Variants in PSME4 observed in about 807,000 individuals in gnomAD.
PSME4 encodes proteasome activator subunit 4, also known as proteasome activator complex subunit 4.
Under a neutral mutation model 253.9 loss-of-function variants are expected in PSME4, and 89 were observed. That is an observed-to-expected ratio of 0.35 (90% CI 0.30 to 0.42). PSME4 has a LOEUF of 0.42. PSME4 is among the 10% of genes least tolerant of loss of function. PSME4 has a pLI of 1.00. For missense variants in PSME4, 2,014 were observed against 2,195.2 expected, an observed-to-expected ratio of 0.92 and a Z score of 1.65; for synonymous variants, 851 against 759.2, an observed-to-expected ratio of 1.12 and a Z score of -1.99.
chr2:53,966,683 G>A (rs1573392207), intron 1 of PSME4, among the ~76,000 whole-genome samples: 1 of 152,076 alleles, frequency 6.6e-6, no homozygotes, highest in African/African-American at 2.4e-5. Flanking sequence ...AGGCAAGAGG[G>A]CAAAATCAAG....
At chr2:53,967,262 G>T (rs1322864589) in intron 1 of PSME4, among the ~76,000 whole-genome samples, 1 of 152,026 alleles carries the variant, frequency 6.6e-6, no homozygotes, top group Non-Finnish European at 1.5e-5. Context: ...CTATCACATG[G>T]CCAAGTATTT....
chr2:53,917,941 C>T (rs1668131699), intron 20 of PSME4, among the ~76,000 whole-genome samples: 1 of 152,140 alleles, frequency 6.6e-6, no homozygotes. Context: ...CCTAAACACA[C>T]TTATAACAGA....
intron 26 of PSME4, among the ~76,000 whole-genome samples, chr2:53,905,723 T>C (rs563843368): frequency 2.6e-5 from 4 of 152,250 alleles, no homozygotes; most frequent in East Asian, 3.9e-4. Flanking sequence ...AGACAATCGC[T>C]TGAGCTCAAG....
intron 41 of PSME4, among the ~76,000 whole-genome samples, chr2:53,885,475 T>A (rs115678984): frequency 2.0e-5 from 3 of 152,202 alleles, no homozygotes; most frequent in Non-Finnish European, 4.4e-5. Flanking sequence ...TAAATTTTCA[T>A]GTAGCTGTCA....
chr2:53,889,118 G>A (rs567041010), intron 37 of PSME4, among the ~76,000 whole-genome samples: 17 of 152,078 alleles, frequency 1.1e-4, no homozygotes, highest in Non-Finnish European at 2.1e-4. Flanking sequence ...TCCTGCCTCG[G>A]CCTCCCAAAG....
At chr2:53,941,000 T>TAA (rs1669429934) in intron 3 of PSME4, among the ~76,000 whole-genome samples, 2 of 97,088 alleles carry the variant, frequency 2.1e-5, no homozygotes, top group African/African-American at 3.7e-5. Flanking sequence ...TATATATATA[T>TAA]GAAAGGAGTA....
chr2:53,886,415 T>C (rs947469366), intron 40 of PSME4, among the ~76,000 whole-genome samples: 1 of 152,222 alleles, frequency 6.6e-6, no homozygotes, highest in Non-Finnish European at 1.5e-5. Context: ...CATGAGTAGA[T>C]ATTTCTCCAA....
chr2:53,921,581 G>A (rs1668317332), intron 17 of PSME4, among the ~76,000 whole-genome samples: 1 of 145,498 alleles, frequency 6.9e-6, no homozygotes, highest in African/African-American at 2.5e-5. Context: ...AAAGAAAACT[G>A]AAGTTGGCCG....
At chr2:53,898,108 G>A (rs1680225821) in intron 30 of PSME4, 109 bp from the exon 31 acceptor site, 1 of 1,342,574 alleles carries the variant, frequency 7.4e-7, no homozygotes, top group African/African-American at 1.5e-5. Flanking sequence ...ATTAAAATAG[G>A]TCTAGTGAAG....
At chr2:53,912,771 T>C (rs1667882976) in intron 20 of PSME4, among the ~76,000 whole-genome samples, 1 of 152,236 alleles carries the variant, frequency 6.6e-6, no homozygotes, top group Admixed American at 6.5e-5. Context: ...CTACCTCTTC[T>C]GACCTTTAGA....
In PSME4 at chr2:53,928,024, G is replaced by A. The variant is rs1668647841; in HGVS notation, c.1503+93C>T. On this transcript the variant is annotated intron_variant, in intron 11 of 46. Transcript: ENST00000404125. ...AACATTTATTTTCATATTTATATTAGGCTTATGCACAAACTTCTCCAACCT... is the reference window on the plus strand; with the variant it reads ...AACATTTATTTTCATATTTATATTAAGCTTATGCACAAACTTCTCCAACCT... 6 of 819,428 alleles carry A rather than the reference G, an allele frequency of 7.3e-6. No individual in the cohort carries two copies. In the South Asian group the frequency reaches 1.3e-4, roughly 18 times the overall value. 50.8% of individuals were successfully genotyped at this position (819,428 alleles called of 1,614,324 possible). A position where few individuals can be genotyped will look rare whatever the true frequency, so the allele number is the denominator to read the frequency against.
At position 53,970,988 on chromosome 2, in the gene PSME4, C is replaced by T; in HGVS notation, c.-204G>A. 2.2e-6 allele frequency: 1 copy of T among 460,670 alleles called. No homozygotes were observed. The allele number at this position is 460,670 out of a possible 1,614,324, so 28.5% of individuals were successfully genotyped here. A position where few individuals can be genotyped will look rare whatever the true frequency, so the allele number is the denominator to read the frequency against. On this transcript the variant is annotated 5_prime_UTR_variant, in exon 1 of 47. Transcript: ENST00000404125. The stretch of plus-strand genomic sequence containing the variant: ...TCAGTTCGTTGGCGGCGGCAGCGGC[C>T]GCTCTGCCCGCCCCGCACCGGCTCT...
chr2:53,923,599 C>G (rs916662567), intron 14 of PSME4, among the ~76,000 whole-genome samples, 180 bp from the exon 15 acceptor site: 1 of 152,170 alleles, frequency 6.6e-6, no homozygotes, highest in Middle Eastern at 3.2e-3. Context: ...TAAGAACAAT[C>G]TTTGCCCACG....
chr2:53,952,097 A>C (rs1160023594), intron 1 of PSME4, among the ~76,000 whole-genome samples: 1 of 152,236 alleles, frequency 6.6e-6, no homozygotes, highest in Non-Finnish European at 1.5e-5. Flanking sequence ...GAAGACATCA[A>C]AGAAAAATTC....
chr2:53,891,765 C>A (rs1679916139), intron 36 of PSME4, among the ~76,000 whole-genome samples: 1 of 150,998 alleles, frequency 6.6e-6, no homozygotes, highest in Admixed American at 6.6e-5. Context: ...GTGGCTGAGG[C>A]ATTGCTTGAA....
At position 53,875,848 on chromosome 2, in the gene PSME4, A is replaced by G. The variant is rs1008681463; in HGVS notation, c.4816-93T>C. ...TGAGAGACAACACATCTTTAATTTAACAATTTTTATGGAAAATTTCAAACA... is the reference window on the plus strand; with the variant it reads ...TGAGAGACAACACATCTTTAATTTAGCAATTTTTATGGAAAATTTCAAACA... On this transcript the variant is annotated intron_variant, in intron 41 of 46. Coordinates refer to ENST00000404125, the MANE Select transcript of PSME4 (RefSeq NM_014614.3). 23 of 1,233,794 alleles carry G rather than the reference A, an allele frequency of 1.9e-5. No individual in the cohort carries two copies. In the African/African-American group the frequency reaches 3.5e-4, roughly 19 times the overall value. The allele number at this position is 1,233,794 out of a possible 1,614,324, so 76.4% of individuals were successfully genotyped here.
intron 14 of PSME4, among the ~76,000 whole-genome samples, chr2:53,925,297 T>G (rs1668513874): frequency 6.6e-6 from 1 of 152,218 alleles, no homozygotes; most frequent in Non-Finnish European, 1.5e-5. Flanking sequence ...AGATCAAATT[T>G]AAGTAACTGA....
At position 53,869,257 on chromosome 2, in the gene PSME4, C is replaced by T. The variant is rs576773301; in HGVS notation, c.5263+119G>A. ...CTCCTCAAAAGTAGGGAAAACTTTT[C>T]CCAATACCTAGCATAGACCTGGGCA... is the stretch of plus-strand genomic sequence containing the variant. On this transcript the variant is annotated intron_variant, in intron 44 of 46. Transcript: ENST00000404125. 5.7e-6 allele frequency: 6 copies of T among 1,048,508 alleles called. No homozygotes were observed. In the East Asian group the frequency reaches 1.2e-4, roughly 22 times the overall value. 65.0% of individuals were successfully genotyped at this position (1,048,508 alleles called of 1,614,324 possible).
intron 37 of PSME4, among the ~76,000 whole-genome samples, chr2:53,889,031 A>G (rs1484713937): frequency 1.3e-5 from 2 of 151,814 alleles, no homozygotes; most frequent in East Asian, 3.9e-4. Flanking sequence ...ATGCCTGGCT[A>G]ATTTTTTATT....
Sources: gnomAD v4.1 joint callset for allele counts (sites outside exome capture counted in the v4.1 genomes callset) on GRCh38, gnomAD v4.1.1 for gene constraint, MANE v1.5 for transcripts, NCBI Gene and HGNC (gene_info 2026-07-23, HGNC 2026-07-21) for gene names.